The following SATB2 variants were observed in gnomAD, a reference collection of about 807,000 sequenced individuals.
SATB2 encodes SATB homeobox 2.
In SATB2, 1 loss-of-function variant was observed where a neutral mutation model predicts 73.4. That is an observed-to-expected ratio of 0.01 (90% CI 0.00 to 0.06). SATB2 has a LOEUF of 0.06. Ranked by LOEUF, SATB2 falls within the 10% of genes least tolerant of loss-of-function variation. The pLI, the probability that SATB2 is intolerant of heterozygous loss-of-function variation, is 1.00. For missense variants in SATB2, 459 were observed against 945.8 expected (o/e 0.49, Z 6.75); for synonymous variants, 397 against 367.0 (o/e 1.08, Z -0.93).
At chr2:199,458,622 G>A, upstream of SATB2, 1 of 436,716 alleles carries the variant, frequency 2.3e-6, no homozygotes, top group East Asian at 8.6e-5. Flanking sequence ...CAAGGCAGTC[G>A]CTGGGTGCCG....
chr2:199,416,120 T>C (rs1182002779), intron 3 of SATB2, among the ~76,000 whole-genome samples: 1 of 152,218 alleles, frequency 6.6e-6, no homozygotes, highest in Non-Finnish European at 1.5e-5. Flanking sequence ...ACAAGGACTA[T>C]TATATTTCTA....
intron 7 of SATB2, among the ~76,000 whole-genome samples, chr2:199,331,404 A>C (rs1386665954): frequency 6.6e-6 from 1 of 152,136 alleles, no homozygotes; most frequent in African/African-American, 2.4e-5. Flanking sequence ...GGTGGAATAT[A>C]CTGTTTCCTC....
At chr2:199,335,172 C>T (rs541962552) in intron 7 of SATB2, among the ~76,000 whole-genome samples, 7 of 152,084 alleles carry the variant, frequency 4.6e-5, no homozygotes, top group East Asian at 1.9e-4. Flanking sequence ...AAGAAAATGT[C>T]GTTATTGCAT....
intron 3 of SATB2, among the ~76,000 whole-genome samples, chr2:199,432,820 G>A (rs1176488416): frequency 6.6e-6 from 1 of 152,084 alleles, no homozygotes; most frequent in Non-Finnish European, 1.5e-5. Context: ...ATAAGTGAAA[G>A]GAATTGATCA....
rs779817342 is a variant in SATB2 at position 199,455,858 on chromosome 2, C to A, written c.169+11G>T. ...CCGCGGGCTGCGCGCCTCCCTGCTC[C>A]GGGCTGTTACCTCCCACGGCCTTGG... On this transcript the variant is annotated intron_variant, in intron 2 of 10. Coordinates refer to ENST00000417098, the MANE Select transcript of SATB2 (RefSeq NM_001172509.2). The surrounding 1 kb of genome is among the most constrained non-coding windows in gnomAD (Gnocchi z 4.1). 24 of 1,535,594 alleles carry A rather than the reference C, an allele frequency of 1.6e-5. No homozygotes were observed. The East Asian group carries it at 4.1e-4, about 26-fold the overall frequency.
At chr2:199,304,061 C>T (rs1687362865) in intron 10 of SATB2, among the ~76,000 whole-genome samples, 1 of 152,146 alleles carries the variant, frequency 6.6e-6, no homozygotes, top group African/African-American at 2.4e-5. Context: ...TTTCTTCTCT[C>T]CTGCATGAGG....
At chr2:199,374,325 A>G (rs1689534385) in intron 5 of SATB2, among the ~76,000 whole-genome samples, 1 of 152,224 alleles carries the variant, frequency 6.6e-6, no homozygotes, top group Non-Finnish European at 1.5e-5. Flanking sequence ...ATGTTCTATG[A>G]TTCCACTTAC....
intron 2 of SATB2, among the ~76,000 whole-genome samples, chr2:199,454,625 T>C (rs1457151572): frequency 6.6e-6 from 1 of 152,040 alleles, no homozygotes; most frequent in African/African-American, 2.4e-5. Context: ...ACTCACAACA[T>C]TGAAAGGATG....
chr2:199,399,141 G>A (rs1221845096), intron 3 of SATB2, among the ~76,000 whole-genome samples: 3 of 152,150 alleles, frequency 2.0e-5, no homozygotes, highest in Non-Finnish European at 2.9e-5. Flanking sequence ...GAATGGTGGT[G>A]TGTACCTATA....
chr2:199,392,000 T>C lies in SATB2; in HGVS notation c.347-10180A>G, dbSNP rs1452435416. On this transcript the variant is annotated intron_variant, in intron 3 of 10. Coordinates refer to ENST00000417098, the MANE Select transcript of SATB2 (RefSeq NM_001172509.2). ...CTCTCCATTCCCAGGAATTTGCAGA[T>C]TACTAAGAACTATGGTGTTTGGAGT... 2.0e-5 allele frequency among the ~76,000 whole-genome samples: 3 copies of C among 152,104 alleles called. 1 individual carries two copies. Among genetic ancestry groups the C allele is most frequent in the African/African-American group, 7.2e-5 (3 of 41,412 alleles).
At chr2:199,458,764 T>G (rs1031403167), upstream of SATB2, 11 of 242,342 alleles carry the variant, frequency 4.5e-5, no homozygotes, top group Admixed American at 3.4e-4. Context: ...ACCCACCGCC[T>G]CCGCCCACCA....
At chr2:199,466,351 A>C (rs972176188), upstream of SATB2, among the ~76,000 whole-genome samples, 2 of 152,124 alleles carry the variant, frequency 1.3e-5, no homozygotes. Flanking sequence ...CTGCTTTCCC[A>C]GAGGATCACA....
chr2:199,372,422 A>G (rs1186242635), intron 5 of SATB2, among the ~76,000 whole-genome samples: 1 of 152,206 alleles, frequency 6.6e-6, no homozygotes, highest in Non-Finnish European at 1.5e-5. Context: ...TGATCTATCT[A>G]AAAATAGATT....
rs552368476 is a variant in SATB2, at chr2:199,441,674, A to T, written c.170-8160T>A. On this transcript the variant is annotated intron_variant, in intron 2 of 10. Coordinates refer to ENST00000417098, the MANE Select transcript of SATB2 (RefSeq NM_001172509.2). ...CTCACTGACCACCCCGAAGGATCAA[A>T]CTGGGCCTAAAGTGGTAGGGAAGGG... 5.9e-5 allele frequency among the ~76,000 whole-genome samples: 9 copies of T among 152,288 alleles called. No homozygotes were observed. The South Asian group carries it at 1.9e-3, about 32-fold the overall frequency.
At chr2:199,310,439 T>C (rs1687565402) in intron 9 of SATB2, among the ~76,000 whole-genome samples, 1 of 152,206 alleles carries the variant, frequency 6.6e-6, no homozygotes, top group South Asian at 2.1e-4. Context: ...AGGCAGGTCA[T>C]GGTTGATTTT....
chr2:199,320,621 C>T (rs1687858705), intron 9 of SATB2, among the ~76,000 whole-genome samples: 2 of 152,126 alleles, frequency 1.3e-5, no homozygotes, highest in Admixed American at 6.5e-5. Flanking sequence ...GAAACATATA[C>T]ACACACTTCC....
chr2:199,368,801 T>G, intron 5 of SATB2, 94 bp from the exon 6 acceptor site: 2 of 704,396 alleles, frequency 2.8e-6, no homozygotes, highest in Middle Eastern at 3.9e-4. Context: ...AACCTCTTTT[T>G]TCTTTTAAAC....
rs186498630 is a variant in SATB2, at chr2:199,355,235, T to C, written c.701-6062A>G. ...TATATAGTGTGTATATATGTGTATA[T>C]ATACAAGGATGTGTGTATATATGTG... On this transcript the variant is annotated intron_variant, in intron 6 of 10. Transcript: ENST00000417098. Among the ~76,000 whole-genome samples, 16 of 150,220 alleles carry C rather than the reference T, an allele frequency of 1.1e-4. No individual in the cohort carries two copies. In the East Asian group the frequency reaches 2.0e-3, roughly 19 times the overall value.
At chr2:199,402,923 G>C (rs1397645338) in intron 3 of SATB2, among the ~76,000 whole-genome samples, 1 of 152,154 alleles carries the variant, frequency 6.6e-6, no homozygotes, top group African/African-American at 2.4e-5. Context: ...CTCTTCACCA[G>C]CTCAAATTCT....
Sources: gnomAD v4.1 joint callset for allele counts (sites outside exome capture counted in the v4.1 genomes callset) on GRCh38, gnomAD v4.1.1 for gene constraint, Gnocchi (gnomAD v3.1) non-coding constraint, MANE v1.5 for transcripts, NCBI Gene and HGNC (gene_info 2026-07-23, HGNC 2026-07-21) for gene names.